Variants in TMCO4 observed in about 807,000 individuals in gnomAD.
TMCO4 encodes the protein transmembrane and coiled-coil domains 4.
TMCO4 carries 58 observed loss-of-function variants against 64.7 expected under a neutral mutation model. That is an observed-to-expected ratio of 0.90 (90% CI 0.73 to 1.12). The LOEUF is 1.12. Ranked by LOEUF, TMCO4 falls within the 50% of genes most tolerant of loss-of-function variation. TMCO4 has a pLI of 0.00. For synonymous variants in TMCO4, 325 were observed against 346.1 expected, an observed-to-expected ratio of 0.94 and a Z score of 0.68; for missense variants, 780 against 825.9, an observed-to-expected ratio of 0.94 and a Z score of 0.68.
chr1:19,769,384 C>T (rs1180140855), intron 6 of TMCO4, among the ~76,000 whole-genome samples: 19 of 152,146 alleles, frequency 1.2e-4, no homozygotes, highest in Admixed American at 1.2e-3. Flanking sequence ...GAAATCCATC[C>T]CACTCTCCCT....
intron 3 of TMCO4, among the ~76,000 whole-genome samples, chr1:19,782,249 G>T (rs1417149034): frequency 6.6e-6 from 1 of 152,188 alleles, no homozygotes; most frequent in East Asian, 1.9e-4. Context: ...CAGCAAACAT[G>T]AATGAATCTC....
chr1:19,694,368 CA>C, intron 15 of TMCO4, 65 bp downstream of exon 15: 2 of 1,415,716 alleles, frequency 1.4e-6, no homozygotes, highest in Non-Finnish European at 2.0e-6. Flanking sequence ...CTCCAGGGGA[CA>C]GGGGTGGCTG....
intron 14 of TMCO4, among the ~76,000 whole-genome samples, chr1:19,697,530 G>T (rs1349081246): frequency 6.7e-6 from 1 of 148,614 alleles, no homozygotes; most frequent in African/African-American, 2.5e-5. Context: ...GCCTCCTAGG[G>T]TCAAGCCATC....
At chr1:19,757,162 G>C (rs544168524) in intron 6 of TMCO4, among the ~76,000 whole-genome samples, 6 of 139,756 alleles carry the variant, frequency 4.3e-5, no homozygotes, top group Admixed American at 7.0e-5. Flanking sequence ...GTGGTGGCGG[G>C]GGGGGGCGCC....
At chr1:19,744,953 C>T (rs1019392139) in intron 10 of TMCO4, among the ~76,000 whole-genome samples, 8 of 151,984 alleles carry the variant, frequency 5.3e-5, no homozygotes, top group African/African-American at 1.7e-4. Context: ...ATGGTAAGTA[C>T]AGCACTTTAT....
chr1:19,755,102 T>C (rs2042186182), intron 7 of TMCO4, among the ~76,000 whole-genome samples: 1 of 152,078 alleles, frequency 6.6e-6, no homozygotes, highest in Admixed American at 6.6e-5. Flanking sequence ...TCAAGGCCCT[T>C]AGCAATCATT....
chr1:19,763,161 C>T (rs1036008252), intron 6 of TMCO4, among the ~76,000 whole-genome samples: 2 of 151,992 alleles, frequency 1.3e-5, no homozygotes, highest in African/African-American at 2.4e-5. Context: ...CTGTAATCTC[C>T]GTCTCCAGGG....
At chr1:19,772,055 T>C (rs979267122) in intron 4 of TMCO4, among the ~76,000 whole-genome samples, 4 of 152,182 alleles carry the variant, frequency 2.6e-5, no homozygotes, top group African/African-American at 9.7e-5. Flanking sequence ...ACTGGTTGCA[T>C]GCCTTGGGCC....
At chr1:19,765,103 G>A (rs1250096166) in intron 6 of TMCO4, among the ~76,000 whole-genome samples, 1 of 152,164 alleles carries the variant, frequency 6.6e-6, no homozygotes, top group Admixed American at 6.5e-5. Flanking sequence ...TCAGAGATCA[G>A]AGGGCAAAAA....
chr1:19,754,802 G>A (rs936449145), intron 7 of TMCO4, among the ~76,000 whole-genome samples: 3 of 152,192 alleles, frequency 2.0e-5, no homozygotes, highest in Non-Finnish European at 2.9e-5. Context: ...CGGGGAAGGG[G>A]AGGATTCACA....
chr1:19,786,329 GA>G (rs1238751164), intron 3 of TMCO4, among the ~76,000 whole-genome samples: 1 of 152,286 alleles, frequency 6.6e-6, no homozygotes, highest in East Asian at 1.9e-4. Flanking sequence ...CATGACAGGG[GA>G]AACATGAGAG....
At chr1:19,779,417 C>A (rs2043355303) in intron 4 of TMCO4, among the ~76,000 whole-genome samples, 1 of 152,202 alleles carries the variant, frequency 6.6e-6, no homozygotes. Flanking sequence ...CCGTTGGCCT[C>A]CTAACTGGCC....
rs2042235434 is a variant in TMCO4 at position 19,755,943 on chromosome 1, A to C, written c.383-177T>G. On this transcript the variant is annotated intron_variant, in intron 6 of 15. Transcript: ENST00000294543. ...GACAGAATACTATACAACTATTAAA[A>C]TATTCAGCAAAAGCAAGGTGGGGCT... 2.6e-5 allele frequency among the ~76,000 whole-genome samples: 4 copies of C among 152,254 alleles called. No homozygotes were observed. The South Asian group carries it at 8.3e-4, about 32-fold the overall frequency.
Position 19,780,748 on chromosome 1 carries a change from C to A in TMCO4, c.11G>T (p.Trp4Leu), listed in dbSNP as rs750751023. ...AGGCAGCCTCTGGCATGGCCTGTTCCACATGGCCATTCCCAGCGCTGCAGG... is the reference window on the plus strand; with the variant it reads ...AGGCAGCCTCTGGCATGGCCTGTTCAACATGGCCATTCCCAGCGCTGCAGG... The part of the protein sequence containing the change: MAM[W>L]NRPCQRLPQQ... Residue 4 changes from tryptophan to leucine, a missense_variant, in exon 4 of 16, where the codon TGG (tryptophan) becomes TTG (leucine). Coordinates refer to ENST00000294543, the MANE Select transcript of TMCO4 (RefSeq NM_181719.7). The A allele has an allele frequency of 6.3e-7, 1 of 1,581,904 alleles. No homozygotes were observed. Among genetic ancestry groups the A allele is most frequent in the African/African-American group, 1.4e-5 (1 of 72,798 alleles).
chr1:19,764,253 T>G (rs61768304), intron 6 of TMCO4, among the ~76,000 whole-genome samples: 17,846 of 152,166 alleles, frequency 0.12, 1,146 homozygotes, highest in Non-Finnish European at 0.13. Context: ...CCGGGGCCTG[T>G]CTGGAATCCT....
intron 2 of TMCO4, among the ~76,000 whole-genome samples, chr1:19,794,339 ACTTGTTTATATTGAT>A (rs1272838137): frequency 9.2e-5 from 14 of 152,220 alleles, no homozygotes; most frequent in Admixed American, 9.2e-4. Flanking sequence ...TGTATCAGTT[ACTTGTTTATATTGAT>A]CGCTTATCTT....
At chr1:19,699,577 GC>G in intron 14 of TMCO4, among the ~76,000 whole-genome samples, 1 of 151,118 alleles carries the variant, frequency 6.6e-6, no homozygotes, top group East Asian at 1.9e-4. Context: ...TGATGTGCAA[GC>G]CCCAGGCTGA....
At chr1:19,768,254 G>C (rs1451088863) in intron 6 of TMCO4, among the ~76,000 whole-genome samples, 1 of 152,174 alleles carries the variant, frequency 6.6e-6, no homozygotes. Context: ...CTAGGACTTG[G>C]CACATGGCGG....
At chr1:19,782,195 T>G (rs973015184) in intron 3 of TMCO4, among the ~76,000 whole-genome samples, 2 of 152,358 alleles carry the variant, frequency 1.3e-5, no homozygotes, top group Middle Eastern at 3.4e-3. Context: ...ATGGTCATAT[T>G]CATACTGTGA....
Sources: allele counts gnomAD v4.1 joint callset (sites outside exome capture counted in the v4.1 genomes callset), GRCh38; gene constraint gnomAD v4.1.1; transcripts MANE v1.5; gene names NCBI Gene and HGNC (gene_info 2026-07-23, HGNC 2026-07-21).